SHISA9: variants seen among roughly 807,000 people sequenced by gnomAD.
SHISA9 encodes shisa family member 9.
SHISA9 carries 13 observed loss-of-function variants against 38.0 expected under a neutral mutation model. That is an observed-to-expected ratio of 0.34 (90% CI 0.22 to 0.54). The LOEUF (loss-of-function observed/expected upper bound fraction) is 0.54, where lower values mean the gene tolerates loss of function less well. Among genes scored for constraint, SHISA9 ranks in the 20% least tolerant of loss-of-function variants. SHISA9 has a pLI of 0.91. For synonymous variants in SHISA9, 275 were observed against 242.0 expected (o/e 1.14, Z -1.27); for missense variants, 538 against 575.8 (o/e 0.93, Z 0.67).
At chr16:13,354,695 G>C in the SHISA9 span, among the ~76,000 whole-genome samples, 1 of 151,930 alleles carries the variant, frequency 6.6e-6, no homozygotes, top group South Asian at 2.1e-4. Flanking sequence ...GTAAGGTCAA[G>C]TTGTTTGGAC....
intron 2 of SHISA9, among the ~76,000 whole-genome samples, chr16:13,091,471 C>T (rs1296100037): frequency 6.6e-6 from 1 of 152,158 alleles, no homozygotes; most frequent in Non-Finnish European, 1.5e-5. Flanking sequence ...CATGTAGTCC[C>T]ATATTCCTTG....
chr16:13,425,486 CAAACAA>C, the SHISA9 span, among the ~76,000 whole-genome samples: 2 of 151,980 alleles, frequency 1.3e-5, no homozygotes, highest in South Asian at 4.2e-4. Flanking sequence ...GACTTCGTCT[CAAACAA>C]AAACAAAAAC....
intron 2 of SHISA9, among the ~76,000 whole-genome samples, chr16:13,166,478 C>T (rs1006214438): frequency 2.6e-5 from 4 of 152,354 alleles, no homozygotes; most frequent in Admixed American, 1.3e-4. Flanking sequence ...TTCCTAGCCA[C>T]TTCTTCTAAT....
chr16:12,955,251 C>T (rs79209296), intron 2 of SHISA9, among the ~76,000 whole-genome samples: 1 of 152,064 alleles, frequency 6.6e-6, no homozygotes, highest in Non-Finnish European at 1.5e-5. Flanking sequence ...TTTTTCTCCT[C>T]CATAGTTTGG....
At chr16:13,197,002 G>GTTCT (rs2050949946) in intron 2 of SHISA9, among the ~76,000 whole-genome samples, 1 of 152,086 alleles carries the variant, frequency 6.6e-6, no homozygotes. Context: ...TGAGATGGGA[G>GTTCT]GATCACTTGA....
downstream of SHISA9, among the ~76,000 whole-genome samples, chr16:13,242,634 A>G (rs964213483): frequency 7.9e-5 from 12 of 152,164 alleles, no homozygotes; most frequent in South Asian, 4.1e-4. Flanking sequence ...TCCAATGCCA[A>G]TTTGCCACGT....
intron 2 of SHISA9, among the ~76,000 whole-genome samples, chr16:13,198,923 T>A (rs1273683695): frequency 6.6e-6 from 1 of 152,200 alleles, no homozygotes; most frequent in East Asian, 1.9e-4. Flanking sequence ...TGTGTCTACT[T>A]ATATTAAGTA....
chr16:12,922,991 AT>A (rs2071346892), intron 2 of SHISA9, among the ~76,000 whole-genome samples: 1 of 150,148 alleles, frequency 6.7e-6, no homozygotes, highest in Non-Finnish European at 1.5e-5. Flanking sequence ...AGCTCTATAC[AT>A]TTTATTTTTT....
chr16:13,214,863 C>T (rs1028039128), intron 4 of SHISA9, among the ~76,000 whole-genome samples: 1 of 152,186 alleles, frequency 6.6e-6, no homozygotes, highest in Non-Finnish European at 1.5e-5. Context: ...CACCGGGTTC[C>T]TCCCACAACA....
intron 2 of SHISA9, among the ~76,000 whole-genome samples, chr16:12,923,755 G>A (rs902720554): frequency 6.6e-6 from 1 of 151,716 alleles, no homozygotes; most frequent in Non-Finnish European, 1.5e-5. Context: ...GCAGGAGAAT[G>A]GCATGAATCT....
the SHISA9 span, among the ~76,000 whole-genome samples, chr16:13,278,511 G>A: frequency 6.6e-6 from 1 of 151,976 alleles, no homozygotes; most frequent in Non-Finnish European, 1.5e-5. Context: ...GTCTTTGAAT[G>A]TCTGGCAGGA....
the SHISA9 span, among the ~76,000 whole-genome samples, chr16:13,394,133 C>T: frequency 6.6e-6 from 1 of 152,156 alleles, no homozygotes; most frequent in Non-Finnish European, 1.5e-5. Context: ...CACTCACCTT[C>T]TTGCATTTCT....
chr16:13,500,252 AG>A, the SHISA9 span, among the ~76,000 whole-genome samples: 1 of 152,108 alleles, frequency 6.6e-6, no homozygotes, highest in African/African-American at 2.4e-5. Context: ...AGACGGTCCA[AG>A]CTTGCTTTCC....
At chr16:13,317,613 C>T in the SHISA9 span, among the ~76,000 whole-genome samples, 1 of 152,168 alleles carries the variant, frequency 6.6e-6, no homozygotes, top group Non-Finnish European at 1.5e-5. Flanking sequence ...CCCTGGGAAC[C>T]TAACCCCTAT....
intron 2 of SHISA9, among the ~76,000 whole-genome samples, chr16:12,935,436 C>T (rs918338086): frequency 6.6e-5 from 10 of 152,028 alleles, no homozygotes; most frequent in East Asian, 1.9e-4. Flanking sequence ...TATCTGTGGG[C>T]GTGTGTTTGC....
At chr16:13,231,791 A>T (rs112171760) in intron 4 of SHISA9, among the ~76,000 whole-genome samples, 2,277 of 152,352 alleles carry the variant, frequency 0.015, 22 homozygotes, top group Non-Finnish European at 0.02. Context: ...CAGCATCAGA[A>T]ACAGGGACAT....
At chr16:13,461,370 A>T in the SHISA9 span, among the ~76,000 whole-genome samples, 1 of 152,104 alleles carries the variant, frequency 6.6e-6, no homozygotes, top group East Asian at 2.0e-4. Flanking sequence ...ACCTGAGCTC[A>T]GGAGTTCCAG....
intron 2 of SHISA9, among the ~76,000 whole-genome samples, chr16:13,149,531 C>A (rs887535693): frequency 6.6e-6 from 1 of 152,162 alleles, no homozygotes; most frequent in African/African-American, 2.4e-5. Flanking sequence ...GGCACCTCAT[C>A]TATTAGCTCT....
intron 2 of SHISA9, among the ~76,000 whole-genome samples, chr16:13,140,377 G>T (rs2050391701): frequency 1.3e-5 from 2 of 151,780 alleles, no homozygotes; most frequent in Admixed American, 1.3e-4. Flanking sequence ...GGGTTTCACT[G>T]TGTTGGCCAG....
Sources: gnomAD v4.1 joint callset for allele counts (sites outside exome capture counted in the v4.1 genomes callset) on GRCh38, gnomAD v4.1.1 for gene constraint, MANE v1.5 for transcripts, NCBI Gene and HGNC (gene_info 2026-07-23, HGNC 2026-07-21) for gene names.